Variants in CHD4 observed in about 807,000 individuals in gnomAD.
CHD4 encodes chromodomain helicase DNA binding protein 4.
In CHD4, 35 loss-of-function variants were observed where a neutral mutation model predicts 235.5. The ratio of observed to expected loss-of-function variants is 0.15; its 90% CI spans 0.11 to 0.20. CHD4 has a LOEUF of 0.20. Ranked by LOEUF, CHD4 falls within the 10% of genes least tolerant of loss-of-function variation. The pLI is 1.00. For synonymous variants in CHD4, 900 were observed against 850.2 expected (o/e 1.06, Z -1.02); for missense variants, 1,329 against 2,432.3 (o/e 0.55, Z 9.54).
intron 25 of CHD4, among the ~76,000 whole-genome samples, chr12:6,584,953 CCA>C (rs572748479): frequency 6.6e-6 from 1 of 152,108 alleles, no homozygotes; most frequent in Non-Finnish European, 1.5e-5. Flanking sequence ...GACCATTCAG[CCA>C]CACTTACATA....
At chr12:6,605,470 G>A (rs80047686) in intron 2 of CHD4, among the ~76,000 whole-genome samples, 1 of 152,260 alleles carries the variant, frequency 6.6e-6, no homozygotes, top group East Asian at 1.9e-4. Flanking sequence ...GGTTTGGCCA[G>A]TTCATGAAGC....
At chr12:6,591,380 A>G in intron 22 of CHD4, 86 bp downstream of exon 22, 1 of 1,030,942 alleles carries the variant, frequency 9.7e-7, no homozygotes. Context: ...AAAGAACTAC[A>G]CAGAAAAGGA....
At chr12:6,574,409 T>C (rs1234614803) in intron 37 of CHD4, among the ~76,000 whole-genome samples, 1 of 152,210 alleles carries the variant, frequency 6.6e-6, no homozygotes, top group African/African-American at 2.4e-5. Context: ...AAAACACTCA[T>C]GCACATGTCA....
chr12:6,572,554 G>C (rs1019195617), intron 38 of CHD4, among the ~76,000 whole-genome samples: 1 of 152,124 alleles, frequency 6.6e-6, no homozygotes, highest in African/African-American at 2.4e-5. Context: ...AAAATGGTGA[G>C]AGCCCATCTC....
chr12:6,591,276 A>AC (rs1948395274), intron 22 of CHD4, 190 bp downstream of exon 22: 1 of 550,080 alleles, frequency 1.8e-6, no homozygotes, highest in Admixed American at 3.5e-5. Flanking sequence ...AAGAACAAAT[A>AC]CCCCAAAAGA....
Position 6,600,683 on chromosome 12 carries a change from AAAG to A in CHD4, c.928-17_928-15del, listed in dbSNP as rs1250661827. 3 of 1,613,922 alleles carry A rather than the reference AAAG, an allele frequency of 1.9e-6. No individual in the cohort carries two copies. Among genetic ancestry groups the A allele is most frequent in the East Asian group, 2.2e-5 (1 of 44,872 alleles). ...ATCATCCTCACTCTGGCAGGATGAAAAAGAATAAGGTTAGACGTTCAAGCCAAG... is the reference window on the plus strand; with the variant it reads ...ATCATCCTCACTCTGGCAGGATGAAAAATAAGGTTAGACGTTCAAGCCAAG... On this transcript the variant is annotated splice_polypyrimidine_tract_variant and intron_variant, in intron 7 of 39. Coordinates refer to ENST00000544040, the MANE Select transcript of CHD4 (RefSeq NM_001273.5).
chr12:6,571,144 T>C, intron 38 of CHD4, 112 bp from the exon 39 acceptor site: 1 of 1,266,920 alleles, frequency 7.9e-7, no homozygotes, highest in Admixed American at 2.1e-5. Flanking sequence ...TGTGATGTAT[T>C]GTCTTCTGTC....
rs1329170985 is a variant in CHD4, at chr12:6,581,708, G to C, written c.4622C>G (p.Pro1541Arg). Residue 1541 changes from proline (P) to arginine (R), a missense_variant, in exon 31 of 40, where the codon CCT (proline) becomes CGT (arginine). Coordinates refer to ENST00000544040, the MANE Select transcript of CHD4 (RefSeq NM_001273.5). The part of the protein sequence containing the change: ...SQPGSPSPKT[P>R]TPSTPGDTQP... ...CGTGTCCCCTGGAGTGGAGGGTGTAGGAGTTTTTGGGGAGGGTGACCCTGG... is the reference window on the plus strand; with the variant it reads ...CGTGTCCCCTGGAGTGGAGGGTGTACGAGTTTTTGGGGAGGGTGACCCTGG... 12 of 1,608,300 alleles carry C rather than the reference G, an allele frequency of 7.5e-6. No homozygotes were observed. In the Admixed American group the frequency reaches 2.0e-4, roughly 27 times the overall value.
chr12:6,600,497 C>T, intron 8 of CHD4, 37 bp downstream of exon 8: 4 of 1,610,654 alleles, frequency 2.5e-6, no homozygotes, highest in Non-Finnish European at 2.5e-6. Context: ...ATCACTCCCA[C>T]CTCATCCCAT....
At chr12:6,574,033 G>A (rs1332040576) in intron 37 of CHD4, among the ~76,000 whole-genome samples, 2 of 151,982 alleles carry the variant, frequency 1.3e-5, no homozygotes, top group African/African-American at 4.8e-5. Context: ...AAAAAAAGGG[G>A]TTATTTTGCT....
intron 25 of CHD4, 178 bp from the exon 26 acceptor site, chr12:6,583,556 A>G (rs1592266832): frequency 5.4e-6 from 3 of 553,440 alleles, no homozygotes; most frequent in South Asian, 2.7e-5. Flanking sequence ...ACAGCTCCTC[A>G]TAATTACATA....
chr12:6,599,683 G>C (rs900726906), intron 10 of CHD4, 90 bp downstream of exon 10: 25 of 1,521,852 alleles, frequency 1.6e-5, no homozygotes, highest in Non-Finnish European at 2.0e-5. Flanking sequence ...AAAGCTCATA[G>C]TTCCTCTCCT....
chr12:6,570,932 C>T lies in CHD4; in HGVS notation c.5658G>A (p.Gln1886=), dbSNP rs1947955779. ...GGCTGAGAATGTTACGCTCTGACAT[C>T]TGTAACCTCACAGCAACTGGGGGAA... is the stretch of plus-strand genomic sequence containing the variant. ...ARIPPVAVRL[Q]MSERNILSRL... The change falls in exon 39 of 40, where the codon CAG becomes CAA. Residue 1886 remains glutamine (Q), a synonymous_variant. Coordinates refer to ENST00000544040, the MANE Select transcript of CHD4 (RefSeq NM_001273.5). 6.2e-7 allele frequency: 1 copy of T among 1,614,082 alleles called. No homozygotes were observed. Among genetic ancestry groups the T allele is most frequent in the Non-Finnish European group, 8.5e-7 (1 of 1,180,038 alleles).
At position 6,571,401 on chromosome 12, in the gene CHD4, G is replaced by C. The variant is rs567571806; in HGVS notation, c.5558-369C>G. The C allele has an allele frequency of 6.5e-5, 13 of 199,908 alleles. No individual in the cohort carries two copies. The South Asian group carries it at 1.7e-3, about 26-fold the overall frequency. 12.4% of individuals were successfully genotyped at this position (199,908 alleles called of 1,614,324 possible). ...TCCTCATAACCTTTTACTTTAATTA[G>C]AAACAAAATGTTGAAAGGGGTCTAG... is the stretch of plus-strand genomic sequence containing the variant. On this transcript the variant is annotated intron_variant, in intron 38 of 39. Coordinates refer to ENST00000544040, the MANE Select transcript of CHD4 (RefSeq NM_001273.5).
intron 22 of CHD4, chr12:6,590,255 G>A (rs1313778881): frequency 3.3e-5 from 5 of 152,184 alleles, no homozygotes; most frequent in African/African-American, 9.6e-5. Flanking sequence ...CAGATAGCAG[G>A]AAGCACAATA....
In CHD4 at chr12:6,595,382, C is replaced by A; in HGVS notation, c.2073G>T (p.Lys691Asn). 6.2e-7 allele frequency: 1 copy of A among 1,614,130 alleles called. No homozygotes were observed. Reference sequence around the variant, plus strand: ...GCCTCTCCAACTTCCGAAGCTTCACCTTCTTGAGCTTCTTGCCTGGTCGGC... The same window carrying A: ...GCCTCTCCAACTTCCGAAGCTTCACATTCTTGAGCTTCTTGCCTGGTCGGC... The part of the protein sequence containing the change: ...EEGRPGKKLK[K>N]VKLRKLERPP... Residue 691 changes from lysine (K) to asparagine (N), a missense_variant, in exon 14 of 40, where the codon AAG becomes AAT. Around this residue, in one of 26 missense-constraint regions of CHD4, gnomAD observed 121 missense variants for 177.8 expected, o/e 0.68. Transcript: ENST00000544040.
chr12:6,594,344 G>A (rs771320675), intron 15 of CHD4, 115 bp downstream of exon 15: 2 of 825,184 alleles, frequency 2.4e-6, no homozygotes, highest in Non-Finnish European at 3.9e-6. Flanking sequence ...TATCCACAGT[G>A]TTCTTGAAGG....
chr12:6,601,671 G>A lies in CHD4; in HGVS notation c.534C>T (p.Tyr178=). 1 of 1,614,192 alleles carries A rather than the reference G, an allele frequency of 6.2e-7. No homozygotes were observed. The highest frequency in any genetic ancestry group is 8.5e-7 in the Non-Finnish European group (1 of 1,180,010). The change falls in exon 5 of 40, where the codon TAC becomes TAT. Residue 178 remains tyrosine, a synonymous_variant. Coordinates refer to ENST00000544040, the MANE Select transcript of CHD4 (RefSeq NM_001273.5). The part of the protein sequence containing the change: ...SEEDYRTLTN[Y]KAFSQFVRPL... ...ACCTGACAAACTGGCTGAAGGCCTTGTAGTTGGTGAGGGTTCGATAATCCT... is the reference window on the plus strand; with the variant it reads ...ACCTGACAAACTGGCTGAAGGCCTTATAGTTGGTGAGGGTTCGATAATCCT...
intron 33 of CHD4, 92 bp from the exon 34 acceptor site, chr12:6,579,009 A>C (rs889661713): frequency 6.8e-6 from 8 of 1,183,024 alleles, no homozygotes; most frequent in Non-Finnish European, 1.0e-5. Flanking sequence ...CCCACATCTA[A>C]ATGTCTGCAA....
Sources: gnomAD v4.1 joint callset for allele counts (sites outside exome capture counted in the v4.1 genomes callset) on GRCh38, gnomAD v4.1.1 for gene constraint, gnomAD v4.1.1 regional missense constraint, MANE v1.5 for transcripts, NCBI Gene and HGNC (gene_info 2026-07-23, HGNC 2026-07-21) for gene names.